Variants in CAMSAP1 observed in about 807,000 individuals in gnomAD.
CAMSAP1 encodes calmodulin regulated spectrin associated protein 1.
A neutral mutation model predicts 143.5 loss-of-function variants in CAMSAP1; 58 were observed. That is an observed-to-expected ratio of 0.40 (90% CI 0.33 to 0.50). The LOEUF (loss-of-function observed/expected upper bound fraction) is 0.50. Ranked by LOEUF, CAMSAP1 falls within the 20% of genes least tolerant of loss-of-function variation. The probability of loss-of-function intolerance (pLI) is 0.45; values close to 1 mark genes in which losing one functional copy is unlikely to be tolerated. For synonymous variants in CAMSAP1, 945 were observed against 859.3 expected (o/e 1.10, Z -1.74); for missense variants, 1,969 against 2,115.7 (o/e 0.93, Z 1.36).
At chr9:135,840,413 C>A (rs1836297058) in intron 7 of CAMSAP1, among the ~76,000 whole-genome samples, 1 of 152,156 alleles carries the variant, frequency 6.6e-6, no homozygotes, top group African/African-American at 2.4e-5. Flanking sequence ...AGGAGCCCCG[C>A]AAGAAGAAGG....
intron 7 of CAMSAP1, among the ~76,000 whole-genome samples, chr9:135,837,840 C>T (rs1036708397): frequency 4.6e-5 from 7 of 151,614 alleles, no homozygotes; most frequent in African/African-American, 9.7e-5. Context: ...CACGTCATCA[C>T]GCACTTTCTA....
chr9:135,854,810 T>C (rs957885700), intron 5 of CAMSAP1, among the ~76,000 whole-genome samples: 9 of 152,182 alleles, frequency 5.9e-5, no homozygotes, highest in African/African-American at 2.2e-4. Flanking sequence ...ACGTGAAGCC[T>C]TGTTACATAG....
At chr9:135,892,617 C>G (rs1481894368) in intron 1 of CAMSAP1, among the ~76,000 whole-genome samples, 1 of 151,848 alleles carries the variant, frequency 6.6e-6, no homozygotes, top group Non-Finnish European at 1.5e-5. Flanking sequence ...CTTTGGGAGG[C>G]CAAGGCGGGT....
intron 1 of CAMSAP1, 100 bp downstream of exon 1, chr9:135,906,900 A>T: frequency 8.8e-5 from 59 of 669,138 alleles, no homozygotes; most frequent in South Asian, 1.3e-4. Context: ...CGCGGCACAA[A>T]GGCGCGGCGC....
chr9:135,866,024 G>A (rs778840623), intron 4 of CAMSAP1, among the ~76,000 whole-genome samples: 6 of 152,230 alleles, frequency 3.9e-5, no homozygotes, highest in Non-Finnish European at 7.3e-5. Context: ...AGGCACGTAG[G>A]GTTCATCCAG....
In CAMSAP1 at chr9:135,818,298, C is replaced by A; in HGVS notation, c.4168+110G>T. On this transcript the variant is annotated intron_variant, in intron 13 of 16. Transcript: ENST00000389532. This position sits in a 1 kb window ranked among gnomAD's most constrained non-coding sequence, Gnocchi z 7.7. Reference sequence around the variant, plus strand: ...CATGAAACGGGGATAATCATCTCCACCCTTCCCGCCTCACACCACTCTTGA... The same window carrying A: ...CATGAAACGGGGATAATCATCTCCAACCTTCCCGCCTCACACCACTCTTGA... 1 of 1,250,818 alleles carries A rather than the reference C, an allele frequency of 8.0e-7. No homozygotes were observed. The highest frequency in any genetic ancestry group is 1.1e-6 in the Non-Finnish European group (1 of 912,160). The allele number at this position is 1,250,818 out of a possible 1,614,324, so 77.5% of individuals were successfully genotyped here. A position where few individuals can be genotyped will look rare whatever the true frequency, so the allele number is the denominator to read the frequency against.
intron 1 of CAMSAP1, among the ~76,000 whole-genome samples, chr9:135,888,508 A>C (rs1838195493): frequency 6.6e-6 from 1 of 152,202 alleles, no homozygotes; most frequent in African/African-American, 2.4e-5. Flanking sequence ...AGGCCACTGC[A>C]GTGCCAGGCA....
Position 135,907,107 on chromosome 9 carries a change from G to T in CAMSAP1, c.53C>A (p.Ala18Asp). Residue 18 changes from alanine to aspartate, a missense_variant, in exon 1 of 17, where the codon GCC becomes GAC. By Grantham distance (126) the Ala-to-Asp change is moderately radical. This residue lies in a region of CAMSAP1 where 215 missense variants were observed against 196.2 expected (regional missense o/e 1.10). Coordinates refer to ENST00000389532, the MANE Select transcript of CAMSAP1 (RefSeq NM_015447.4). ...GAGGTCGGCGGCGCCGTCCGGCGGGGCCTCCATCTTCCTCCAGCCCTCGGC... is the reference window on the plus strand; with the variant it reads ...GAGGTCGGCGGCGCCGTCCGGCGGGTCCTCCATCTTCCTCCAGCCCTCGGC... ...AAAEGWRKME[A>D]PPDGAADLVP... 2 of 1,138,992 alleles carry T rather than the reference G, an allele frequency of 1.8e-6. No homozygotes were observed. Among genetic ancestry groups the T allele is most frequent in the South Asian group, 3.4e-5 (1 of 29,492 alleles). 70.6% of individuals were successfully genotyped at this position (1,138,992 alleles called of 1,614,324 possible).
At chr9:135,825,184 TAAAAAG>T (rs1052030388) in intron 8 of CAMSAP1, among the ~76,000 whole-genome samples, 10 of 151,238 alleles carry the variant, frequency 6.6e-5, no homozygotes, top group African/African-American at 2.4e-4. Context: ...TAAGCAAAAG[TAAAAAG>T]AAAAAGTGAT....
chr9:135,852,579 C>G (rs143885226), intron 5 of CAMSAP1, among the ~76,000 whole-genome samples: 3 of 152,134 alleles, frequency 2.0e-5, no homozygotes, highest in African/African-American at 7.2e-5. Context: ...GACCAGCCAG[C>G]GCGGCTCCCT....
At chr9:135,838,314 AC>A (rs1406953916) in intron 7 of CAMSAP1, among the ~76,000 whole-genome samples, 5 of 139,670 alleles carry the variant, frequency 3.6e-5, no homozygotes, top group East Asian at 4.4e-4. Context: ...CGCACTTTCT[AC>A]CCCTTCTACA....
At chr9:135,835,803 AC>A (rs1564429428) in intron 7 of CAMSAP1, among the ~76,000 whole-genome samples, 1 of 152,124 alleles carries the variant, frequency 6.6e-6, no homozygotes, top group South Asian at 2.1e-4. Flanking sequence ...ACATGGCAAA[AC>A]CCCGTCTCTA....
Position 135,822,332 on chromosome 9 carries a change from T to C in CAMSAP1, c.2329A>G (p.Met777Val). 6.2e-7 allele frequency: 1 copy of C among 1,614,050 alleles called. No individual in the cohort carries two copies. Among genetic ancestry groups the C allele is most frequent in the Non-Finnish European group, 8.5e-7 (1 of 1,179,900 alleles). ...EEESAKLQED[M>V]KVKEHEDKDD... ...TTGTCTTCATGTTCCTTCACCTTCA[T>C]GTCCTCCTGCAGTTTGGCCGACTCT... Residue 777 changes from methionine (M) to valine (V), a missense_variant, in exon 11 of 17, where the codon ATG (methionine) becomes GTG (valine). Physicochemically the swap from Met to Val is conservative, Grantham distance 21. Around this residue, in one of 4 missense-constraint regions of CAMSAP1, gnomAD observed 1,390 missense variants for 1,420.8 expected, o/e 0.98. Coordinates refer to ENST00000389532, the MANE Select transcript of CAMSAP1 (RefSeq NM_015447.4). This position sits in a 1 kb window ranked among gnomAD's most constrained non-coding sequence, Gnocchi z 6.1.
chr9:135,810,963 G>C lies in CAMSAP1; in HGVS notation c.*346C>G, dbSNP rs948605838. 1 of 333,846 alleles carries C rather than the reference G, an allele frequency of 3.0e-6. No individual in the cohort carries two copies. The highest frequency in any genetic ancestry group is 4.5e-5 in the Admixed American group (1 of 21,990). 20.7% of individuals were successfully genotyped at this position (333,846 alleles called of 1,614,324 possible). A position where few individuals can be genotyped will look rare whatever the true frequency, so the allele number is the denominator to read the frequency against. On this transcript the variant is annotated 3_prime_UTR_variant, in exon 17 of 17. Coordinates refer to ENST00000389532, the MANE Select transcript of CAMSAP1 (RefSeq NM_015447.4). Reference sequence around the variant, plus strand: ...GGATCACGTCTAATCTATGCTGAAGGAGAACTTCAAGTAAGGGAGCTCCGT... The same window carrying C: ...GGATCACGTCTAATCTATGCTGAAGCAGAACTTCAAGTAAGGGAGCTCCGT...
At chr9:135,891,354 T>G (rs978915661) in intron 1 of CAMSAP1, among the ~76,000 whole-genome samples, 2 of 152,116 alleles carry the variant, frequency 1.3e-5, no homozygotes, top group African/African-American at 4.8e-5. Flanking sequence ...AGAAAGTGTG[T>G]AAGGAATTCA....
rs748786718 is a variant in CAMSAP1, at chr9:135,822,326, C to G, written c.2335G>C (p.Val779Leu). The part of the protein sequence containing the change: ...ESAKLQEDMK[V>L]KEHEDKDDAS... ...TCATCTTTGTCTTCATGTTCCTTCACCTTCATGTCCTCCTGCAGTTTGGCC... is the reference window on the plus strand; with the variant it reads ...TCATCTTTGTCTTCATGTTCCTTCAGCTTCATGTCCTCCTGCAGTTTGGCC... Residue 779 changes from valine (V) to leucine (L), a missense_variant, in exon 11 of 17, where the codon GTG (valine) becomes CTG (leucine). Physicochemically the swap from Val to Leu is conservative, Grantham distance 32. This residue lies in a region of CAMSAP1 where 1,390 missense variants were observed against 1,420.8 expected (regional missense o/e 0.98). Transcript: ENST00000389532. The surrounding 1 kb of genome is among the most constrained non-coding windows in gnomAD (Gnocchi z 6.1). 1.9e-6 allele frequency: 3 copies of G among 1,614,032 alleles called. No homozygotes were observed. In the East Asian group the frequency reaches 6.7e-5, roughly 36 times the overall value.
chr9:135,907,205 C>G lies in CAMSAP1; in HGVS notation c.-46G>C. On this transcript the variant is annotated 5_prime_UTR_variant, in exon 1 of 17. Transcript: ENST00000389532. ...CGGCGGCCCGGCCGCAACAAAGGCG[C>G]CGCCGCCCCTCGCCGCGCCGGGCCC... is the stretch of plus-strand genomic sequence containing the variant. 12 of 1,041,548 alleles carry G rather than the reference C, an allele frequency of 1.2e-5. No homozygotes were observed. The highest frequency in any genetic ancestry group is 1.4e-5 in the Non-Finnish European group (12 of 865,232). 64.5% of individuals were successfully genotyped at this position (1,041,548 alleles called of 1,614,324 possible).
chr9:135,846,682 C>CAAAAAAAA (rs752714756), intron 7 of CAMSAP1, among the ~76,000 whole-genome samples: 5 of 53,676 alleles, frequency 9.3e-5, no homozygotes, highest in Admixed American at 2.1e-4. Flanking sequence ...ACAAATTTAC[C>CAAAAAAAA]AAAAAAAAAA....
At position 135,882,737 on chromosome 9, in the gene CAMSAP1, TC is replaced by T; in HGVS notation, c.423+78del. 6.8e-7 allele frequency: 1 copy of T among 1,480,494 alleles called. No homozygotes were observed. Among genetic ancestry groups the T allele is most frequent in the Non-Finnish European group, 9.0e-7 (1 of 1,109,222 alleles). 91.7% of individuals were successfully genotyped at this position (1,480,494 alleles called of 1,614,324 possible). ...CTCGCCGCACACCGTGTTCACACCATCCATGCACCAGGTGCGCCACACGAGA... is the reference window on the plus strand; with the variant it reads ...CTCGCCGCACACCGTGTTCACACCATCATGCACCAGGTGCGCCACACGAGA... On this transcript the variant is annotated intron_variant, in intron 2 of 16. Coordinates refer to ENST00000389532, the MANE Select transcript of CAMSAP1 (RefSeq NM_015447.4). The surrounding 1 kb of genome is among the most constrained non-coding windows in gnomAD (Gnocchi z 4.9).
Sources: allele counts gnomAD v4.1 joint callset (sites outside exome capture counted in the v4.1 genomes callset), GRCh38; gene constraint gnomAD v4.1.1; regional missense constraint gnomAD v4.1.1; non-coding constraint Gnocchi (gnomAD v3.1); transcripts MANE v1.5; gene names NCBI Gene and HGNC (gene_info 2026-07-23, HGNC 2026-07-21).